MX1: variants seen among roughly 807,000 people sequenced by gnomAD.
The protein encoded by MX1 is MX dynamin like GTPase 1.
MX1 carries 66 observed loss-of-function variants against 66.4 expected under a neutral mutation model. That is an observed-to-expected ratio of 0.99 (90% CI 0.82 to 1.22). MX1 has a LOEUF of 1.22. Ranked by LOEUF, MX1 falls within the 50% of genes most tolerant of loss-of-function variation. The pLI is 0.00. For synonymous variants in MX1, 311 were observed against 318.1 expected, an observed-to-expected ratio of 0.98 and a Z score of 0.24; for missense variants, 787 against 834.3, an observed-to-expected ratio of 0.94 and a Z score of 0.70.
intron 16 of MX1, among the ~76,000 whole-genome samples, chr21:41,455,669 C>T (rs898810496): frequency 1.3e-5 from 2 of 152,214 alleles, no homozygotes; most frequent in South Asian, 2.1e-4. Context: ...CTGTACCCTG[C>T]CTCTTTTGCT....
intron 4 of MX1, 84 bp from the exon 5 acceptor site, chr21:41,431,966 C>T: frequency 2.7e-6 from 3 of 1,094,054 alleles, no homozygotes; most frequent in Admixed American, 2.0e-5. Context: ...CTCCAGGGGC[C>T]TTCCGTTCTG....
At chr21:41,426,774 T>A (rs942434167) in intron 1 of MX1, 7 of 152,288 alleles carry the variant, frequency 4.6e-5, no homozygotes, top group African/African-American at 1.4e-4. Flanking sequence ...TTCTCGCCGA[T>A]CCTGCTGAAT....
At chr21:41,424,595 A>T (rs1210963707), upstream of MX1, among the ~76,000 whole-genome samples, 1 of 152,102 alleles carries the variant, frequency 6.6e-6, no homozygotes, top group Non-Finnish European at 1.5e-5. Context: ...AGGAGAATGG[A>T]GGTGGGGTGC....
Position 41,440,892 on chromosome 21 carries a change from G to T in MX1, c.597G>T (p.Lys199Asn), listed in dbSNP as rs770192477. 6.2e-7 allele frequency: 1 copy of T among 1,614,180 alleles called. No individual in the cohort carries two copies. Among genetic ancestry groups the T allele is most frequent in the Non-Finnish European group, 8.5e-7 (1 of 1,180,026 alleles). Residue 199 changes from lysine to asparagine, a missense_variant, in exon 9 of 17, where the codon AAG (lysine) becomes AAT (asparagine). Coordinates refer to ENST00000398598, the MANE Select transcript of MX1 (RefSeq NM_002462.5). ...CTCCTCTCATTTCCTTACAGATCAA[G>T]ACACTCATCAAGAAGTACATCCAGA... is the stretch of plus-strand genomic sequence containing the variant. Reference protein sequence around the residue: ...NQPADIGYKIKTLIKKYIQRQ... With the variant: ...NQPADIGYKINTLIKKYIQRQ...
chr21:41,429,152 A>G (rs1282747523), intron 3 of MX1: 1 of 152,246 alleles, frequency 6.6e-6, no homozygotes, highest in Admixed American at 6.5e-5. Context: ...TGGTGCCTGC[A>G]CTCAGTTCAG....
intron 13 of MX1, among the ~76,000 whole-genome samples, chr21:41,447,619 G>A (rs1388106343): frequency 6.6e-6 from 1 of 152,192 alleles, no homozygotes; most frequent in African/African-American, 2.4e-5. Context: ...CAGGGGCTGG[G>A]GAGGGAAAAG....
rs755253323 is a variant in MX1 at position 41,452,607 on chromosome 21, A to AT, written c.1510-8dup. On this transcript the variant is annotated splice_polypyrimidine_tract_variant and intron_variant, in intron 15 of 16. Coordinates refer to ENST00000398598, the MANE Select transcript of MX1 (RefSeq NM_002462.5). ...GTCTTGAGGGAAACTGTATTTATTT[A>AT]TTTTTTACTGTAGTCCAAAATTGAA... The AT allele has an allele frequency of 6.3e-7, 1 of 1,585,728 alleles. No homozygotes were observed. Among genetic ancestry groups the AT allele is most frequent in the Non-Finnish European group, 8.6e-7 (1 of 1,167,828 alleles).
chr21:41,441,388 A>G lies in MX1; in HGVS notation c.731-328A>G. ...CGGAAGCAGGTCAAACTCAGGAGGC[A>G]CATGGTACTCATTAAGAATGCATTT... On this transcript the variant is annotated intron_variant, in intron 9 of 16. Coordinates refer to ENST00000398598, the MANE Select transcript of MX1 (RefSeq NM_002462.5). This position sits in a 1 kb window ranked among gnomAD's most constrained non-coding sequence, Gnocchi z 4.0. 1 of 456,542 alleles carries G rather than the reference A, an allele frequency of 2.2e-6. No homozygotes were observed. Among genetic ancestry groups the G allele is most frequent in the Non-Finnish European group, 4.1e-6 (1 of 246,052 alleles). The allele number at this position is 456,542 out of a possible 1,614,324, so 28.3% of individuals were successfully genotyped here. A position where few individuals can be genotyped will look rare whatever the true frequency, so the allele number is the denominator to read the frequency against.
intron 5 of MX1, among the ~76,000 whole-genome samples, chr21:41,434,670 G>C (rs567269952): frequency 9.9e-5 from 15 of 152,212 alleles, no homozygotes; most frequent in Non-Finnish European, 1.8e-4. Flanking sequence ...GTCACTTCAT[G>C]TATAGTGCGA....
intron 4 of MX1, chr21:41,431,689 TG>T: frequency 5.8e-6 from 1 of 173,154 alleles, no homozygotes; most frequent in Non-Finnish European, 1.2e-5. Flanking sequence ...TTGGCCAGGG[TG>T]GTATTGAACT....
chr21:41,441,644 C>A lies in MX1; in HGVS notation c.731-72C>A. 1 of 1,496,030 alleles carries A rather than the reference C, an allele frequency of 6.7e-7. No individual in the cohort carries two copies. 92.7% of individuals were successfully genotyped at this position (1,496,030 alleles called of 1,614,324 possible). A position where few individuals can be genotyped will look rare whatever the true frequency, so the allele number is the denominator to read the frequency against. On this transcript the variant is annotated intron_variant, in intron 9 of 16. Coordinates refer to ENST00000398598, the MANE Select transcript of MX1 (RefSeq NM_002462.5). The surrounding 1 kb of genome is among the most constrained non-coding windows in gnomAD (Gnocchi z 4.0). ...GGAGGAAACCCTGGGAGGCCGGGGGCGTGAGCAGTTGTTCGTTCACCTCTG... is the reference window on the plus strand; with the variant it reads ...GGAGGAAACCCTGGGAGGCCGGGGGAGTGAGCAGTTGTTCGTTCACCTCTG...
At chr21:41,424,226 A>AGTGTGTGT (rs3037030), upstream of MX1, among the ~76,000 whole-genome samples, 6,197 of 146,270 alleles carry the variant, frequency 0.042, 315 homozygotes, top group African/African-American at 0.12. Flanking sequence ...AGAGGGGTTG[A>AGTGTGTGT]GTGTGTGTGT....
In MX1 at chr21:41,445,997, C is replaced by T; in HGVS notation, c.1132-3C>T. 7 of 1,613,342 alleles carry T rather than the reference C, an allele frequency of 4.3e-6. No homozygotes were observed. The highest frequency in any genetic ancestry group is 5.9e-6 in the Non-Finnish European group (7 of 1,179,420). On this transcript the variant is annotated splice_polypyrimidine_tract_variant and splice_region_variant and intron_variant, in intron 12 of 16. Transcript: ENST00000398598. ...CTTATACTGATGTTTTTCTTCTTGACAGAAAGTTAATGCCTTTAATCAGGA... is the reference window on the plus strand; with the variant it reads ...CTTATACTGATGTTTTTCTTCTTGATAGAAAGTTAATGCCTTTAATCAGGA...
At chr21:41,439,042 A>C (rs1019573333) in intron 7 of MX1, among the ~76,000 whole-genome samples, 1 of 152,100 alleles carries the variant, frequency 6.6e-6, no homozygotes, top group Non-Finnish European at 1.5e-5. Flanking sequence ...TCATGACCAC[A>C]TGGCAGGTAC....
chr21:41,449,246 A>C lies in MX1; in HGVS notation c.1383A>C (p.Gln461His), dbSNP rs2090757120. ...YRTFETIVKQ[Q>H]IKALEEPAVD... Reference sequence around the variant, plus strand: ...CATTTGAGACAATCGTGAAACAGCAAATCAAGGCACTGGAAGAGCCGGCTG... The same window carrying C: ...CATTTGAGACAATCGTGAAACAGCACATCAAGGCACTGGAAGAGCCGGCTG... The change falls in exon 14 of 17, where the codon CAA becomes CAC. Residue 461 changes from glutamine (Q) to histidine (H), a missense_variant. By Grantham distance (24) the Gln-to-His change is conservative. Coordinates refer to ENST00000398598, the MANE Select transcript of MX1 (RefSeq NM_002462.5). 3 of 1,614,052 alleles carry C rather than the reference A, an allele frequency of 1.9e-6. No homozygotes were observed. Among genetic ancestry groups the C allele is most frequent in the Non-Finnish European group, 2.5e-6 (3 of 1,179,980 alleles).
At chr21:41,431,205 T>G (rs2090202430) in intron 4 of MX1, among the ~76,000 whole-genome samples, 1 of 152,120 alleles carries the variant, frequency 6.6e-6, no homozygotes, top group Admixed American at 6.6e-5. Context: ...GTATATTTAG[T>G]AGAGATGGGG....
chr21:41,422,318 T>C (rs2090002287), upstream of MX1, among the ~76,000 whole-genome samples: 1 of 152,222 alleles, frequency 6.6e-6, no homozygotes, highest in Non-Finnish European at 1.5e-5. Flanking sequence ...ACCCTACATG[T>C]ATGTCTAAAA....
At chr21:41,456,406 G>A (rs2090960490) in intron 16 of MX1, among the ~76,000 whole-genome samples, 1 of 152,200 alleles carries the variant, frequency 6.6e-6, no homozygotes, top group Admixed American at 6.5e-5. Context: ...TGCAGCAGGA[G>A]CTAAGGCTGA....
In MX1 at chr21:41,437,113, A is replaced by T. The variant is rs2090386724; in HGVS notation, c.397A>T (p.Ile133Phe). ...KVSYQDYEIE[I>F]SDASEVEKEI... ...CAGTTACCAGGACTACGAGATTGAG[A>T]TTTCGGATGCTTCAGAGGTAGAAAA... The change falls in exon 7 of 17, where the codon ATT becomes TTT. Residue 133 changes from isoleucine to phenylalanine, a missense_variant. Transcript: ENST00000398598. 6.2e-7 allele frequency: 1 copy of T among 1,613,874 alleles called. No individual in the cohort carries two copies. Among genetic ancestry groups the T allele is most frequent in the Admixed American group, 1.7e-5 (1 of 59,992 alleles).
Sources: allele counts gnomAD v4.1 joint callset (sites outside exome capture counted in the v4.1 genomes callset), GRCh38; gene constraint gnomAD v4.1.1; non-coding constraint Gnocchi (gnomAD v3.1); transcripts MANE v1.5; gene names NCBI Gene and HGNC (gene_info 2026-07-23, HGNC 2026-07-21).